Variants in TTN observed in about 807,000 individuals in gnomAD.
TTN encodes titin.
In TTN, 1,525 loss-of-function variants were observed where a neutral mutation model predicts 3,223.0. The observed-to-expected ratio is 0.47, with a 90% CI of 0.45 to 0.49. TTN has a LOEUF of 0.49. Among genes scored for constraint, TTN ranks in the 20% least tolerant of loss-of-function variants. The pLI is 0.00. For missense variants in TTN, 40,786 were observed against 43,424.0 expected (o/e 0.94, Z 5.40); for synonymous variants, 14,094 against 15,161.0 (o/e 0.93, Z 5.17).
Position 178,756,624 on chromosome 2 carries a change from G to A in TTN, c.10852C>T (p.Gln3618Ter), listed in dbSNP as rs779064556. The A allele has an allele frequency of 2.5e-5, 41 of 1,613,586 alleles. No individual in the cohort carries two copies. Among genetic ancestry groups the A allele is most frequent in the Non-Finnish European group, 3.2e-5 (38 of 1,179,760 alleles). ...GATGCAGCTGTGTGGATGGAACTTT[G>A]AGATACACTTTCAAAAACCTGCACT... ...YEVQVFESVS[Q>*]SSIHTAASVQ... The change falls in exon 46 of 363, where the codon CAA becomes TAA. Residue 3618 changes from glutamine (Q) to a stop codon, truncating the protein, a stop_gained. Transcript: ENST00000589042. LOFTEE classifies it high-confidence loss of function.
rs769724156 is a variant in TTN, at chr2:178,790,605, G to T, written c.1800+103C>A. 598 of 1,562,322 alleles carry T rather than the reference G, an allele frequency of 3.8e-4. 2 individuals are homozygous for T. Among genetic ancestry groups the T allele is most frequent in the Admixed American group, 5.0e-4 (30 of 59,874 alleles). On this transcript the variant is annotated intron_variant, in intron 11 of 362. Coordinates refer to ENST00000589042, the MANE Select transcript of TTN (RefSeq NM_001267550.2). ...ATTTTCTATTTGCATTATAAGAAGA[G>T]GTGGAAGTGAAGAAGTGATGATTAA...
intron 42 of TTN, 40 bp downstream of exon 42, chr2:178,764,487 T>C (rs1478819531): frequency 1.2e-6 from 2 of 1,613,494 alleles, no homozygotes; most frequent in Non-Finnish European, 1.7e-6. Flanking sequence ...GCCTGCTTCT[T>C]AGGTTTTATT....
chr2:178,617,968 T>C lies in TTN; in HGVS notation c.47383A>G (p.Ile15795Val), dbSNP rs750870811. The C allele has an allele frequency of 9.3e-6, 15 of 1,612,536 alleles. No individual in the cohort carries two copies. Among genetic ancestry groups the C allele is most frequent in the Non-Finnish European group, 1.3e-5 (15 of 1,179,116 alleles). ...DGGAEITNYV[I>V]ELRDKTSIRW... ...ATAGAAGTCTTGTCTCTTAATTCAA[T>C]GACGTAGTTTGTGATCTCAGCACCT... Residue 15795 changes from isoleucine to valine, a missense_variant, in exon 253 of 363, where the codon ATT (isoleucine) becomes GTT (valine). Transcript: ENST00000589042.
chr2:178,727,782 C>T lies in TTN; in HGVS notation c.19796G>A (p.Gly6599Glu). The change falls in exon 68 of 363, where the codon GGA (glycine) becomes GAA (glutamate). Residue 6599 changes from glycine (G) to glutamate (E), a missense_variant. Coordinates refer to ENST00000589042, the MANE Select transcript of TTN (RefSeq NM_001267550.2). ...STVEFKAILK[G>E]TPPFKIKWFK... ...CCATTTTATTTTAAATGGTGGTGTT[C>T]CTTTTAGTATTGCCTTAAATTCCAC... 1.2e-6 allele frequency: 2 copies of T among 1,613,136 alleles called. No individual in the cohort carries two copies. The highest frequency in any genetic ancestry group is 1.7e-6 in the Non-Finnish European group (2 of 1,179,372).
rs1704286522 is a variant in TTN, at chr2:178,563,097, C to T, written c.83035G>A (p.Ala27679Thr). The T allele has an allele frequency of 6.2e-7, 1 of 1,613,758 alleles. No homozygotes were observed. Among genetic ancestry groups the T allele is most frequent in the Non-Finnish European group, 8.5e-7 (1 of 1,179,730 alleles). Residue 27679 changes from alanine to threonine, a missense_variant, in exon 326 of 363, where the codon GCT becomes ACT. Transcript: ENST00000589042. This position sits in a 1 kb window ranked among gnomAD's most constrained non-coding sequence, Gnocchi z 4.5. ...RIEPPEIELDADLRKVVVLRA... is the reference protein window; with the variant it reads ...RIEPPEIELDTDLRKVVVLRA... ...AGAACGACCACCTTTCTGAGATCAGCATCGAGTTCTATTTCTGGTGGCTCT... is the reference window on the plus strand; with the variant it reads ...AGAACGACCACCTTTCTGAGATCAGTATCGAGTTCTATTTCTGGTGGCTCT...
At position 178,553,137 on chromosome 2, in the gene TTN, A is replaced by G. The variant is rs1304018223; in HGVS notation, c.89763T>C (p.Pro29921=). The change falls in exon 335 of 363, where the codon CCT becomes CCC. Residue 29921 remains proline, a synonymous_variant. Coordinates refer to ENST00000589042, the MANE Select transcript of TTN (RefSeq NM_001267550.2). ...CTTTAACACTCACAGTTGAAGACTT[A>G]GGTTCACCAACTCCATTTTCTATTG... is the stretch of plus-strand genomic sequence containing the variant. ...ILTIENGVGE[P]KSSTVSVKVL... 2 of 1,612,612 alleles carry G rather than the reference A, an allele frequency of 1.2e-6. No individual in the cohort carries two copies. Among genetic ancestry groups the G allele is most frequent in the Non-Finnish European group, 1.7e-6 (2 of 1,178,800 alleles).
chr2:178,593,298 G>C lies in TTN; in HGVS notation c.58910C>G (p.Thr19637Ser). 1 of 1,613,354 alleles carries C rather than the reference G, an allele frequency of 6.2e-7. No homozygotes were observed. The highest frequency in any genetic ancestry group is 8.5e-7 in the Non-Finnish European group (1 of 1,179,546). ...TAGAAGATCAGGAACCCTAAATTTA[G>C]TGTATGGATGAATAGGATCTTTGGT... ...RVTKDPIHPY[T>S]KFRVPDLLEG... The change falls in exon 299 of 363, where the codon ACT becomes AGT. Residue 19637 changes from threonine to serine, a missense_variant. By Grantham distance (58) the Thr-to-Ser change is moderately conservative. Coordinates refer to ENST00000589042, the MANE Select transcript of TTN (RefSeq NM_001267550.2).
Position 178,674,307 on chromosome 2 carries a change from G to GT in TTN, c.34708+6dup, listed in dbSNP as rs1326424623. 4 of 1,544,640 alleles carry GT rather than the reference G, an allele frequency of 2.6e-6. No homozygotes were observed. The highest frequency in any genetic ancestry group is 3.5e-6 in the Non-Finnish European group (4 of 1,128,266). On this transcript the variant is annotated splice_region_variant and intron_variant, in intron 151 of 362. Transcript: ENST00000589042. ...TTTAAATGTTCAATCCTTAAAAGCG[G>GT]TTATACCTCTAGGTGGTGCCACCTC...
At chr2:178,795,850 A>G (rs944241065) in intron 6 of TTN, among the ~76,000 whole-genome samples, 1 of 152,180 alleles carries the variant, frequency 6.6e-6, no homozygotes, top group Admixed American at 6.5e-5. Context: ...CAGGTTGTGC[A>G]GTGCACTTTG....
At position 178,664,901 on chromosome 2, in the gene TTN, A is replaced by G. The variant is rs766345490; in HGVS notation, c.36069T>C (p.Ile12023=). ...TTTTGGAAGGAACTGTCTTGGCAGG[A>G]ATAATTTCTTGAGGAGCTTCGGGCG... ...MKTPEAPQEI[I]PAKTVPSKKR... Residue 12023 remains isoleucine, a synonymous_variant, in exon 166 of 363, where the codon ATT becomes ATC. Coordinates refer to ENST00000589042, the MANE Select transcript of TTN (RefSeq NM_001267550.2). The G allele has an allele frequency of 1.2e-6, 2 of 1,610,136 alleles. No homozygotes were observed. The highest frequency in any genetic ancestry group is 1.3e-5 in the African/African-American group (1 of 74,908).
chr2:178,592,511 TTGC>T lies in TTN; in HGVS notation c.59491_59493del (p.Ala19831del). ...CTACCAACTGGAGTCACATCAATTC[TTGC>T]TTTAGTTGGAGCATCTCTGTCTTCT... On this transcript the variant is annotated inframe_deletion, in exon 301 of 363. Coordinates refer to ENST00000589042, the MANE Select transcript of TTN (RefSeq NM_001267550.2). The T allele has an allele frequency of 6.2e-7, 1 of 1,613,536 alleles. No homozygotes were observed. Among genetic ancestry groups the T allele is most frequent in the Non-Finnish European group, 8.5e-7 (1 of 1,179,592 alleles).
intron 217 of TTN, 26 bp downstream of exon 217, chr2:178,645,894 A>G: frequency 1.4e-6 from 2 of 1,443,374 alleles, no homozygotes; most frequent in Non-Finnish European, 1.9e-6. Flanking sequence ...GCAGGCTAAT[A>G]AAACTTTGGA....
rs78637447 is a variant in TTN at position 178,709,976 on chromosome 2, C to T, written c.28463-120G>A. The T allele has an allele frequency of 1.3e-3, 1,207 of 950,706 alleles. 14 individuals are homozygous for T. The African/African-American group carries it at 0.018, about 14-fold the overall frequency. The allele number at this position is 950,706 out of a possible 1,614,324, so 58.9% of individuals were successfully genotyped here. Reference sequence around the variant, plus strand: ...AAAATCAAGGCTAACCAACTAAATACACTATATCAGAATATGTTCCTAAAC... The same window carrying T: ...AAAATCAAGGCTAACCAACTAAATATACTATATCAGAATATGTTCCTAAAC... On this transcript the variant is annotated intron_variant, in intron 98 of 362. Transcript: ENST00000589042.
Position 178,576,474 on chromosome 2 carries a change from T to C in TTN, c.69715+55A>G. 4.4e-6 allele frequency: 7 copies of C among 1,591,886 alleles called. No individual in the cohort carries two copies. The highest frequency in any genetic ancestry group is 6.0e-6 in the Non-Finnish European group (7 of 1,174,508). On this transcript the variant is annotated intron_variant, in intron 325 of 362. Transcript: ENST00000589042. The surrounding 1 kb of genome is among the most constrained non-coding windows in gnomAD (Gnocchi z 4.3). Reference sequence around the variant, plus strand: ...TTCAGAGTTTGGCTTTTGGGTAATTTAGATAAAATATTGGCACTCTGGAAT... The same window carrying C: ...TTCAGAGTTTGGCTTTTGGGTAATTCAGATAAAATATTGGCACTCTGGAAT...
chr2:178,664,432 C>T (rs1307924854), intron 168 of TTN, 28 bp downstream of exon 168: 18 of 1,557,580 alleles, frequency 1.2e-5, no homozygotes, highest in Admixed American at 1.8e-5. Flanking sequence ...CCCACTATCC[C>T]ACCATAAAAA....
chr2:178,742,453 G>T (rs975006331), intron 47 of TTN, among the ~76,000 whole-genome samples: 2 of 152,078 alleles, frequency 1.3e-5, no homozygotes, highest in African/African-American at 4.8e-5. Context: ...ATTTGTAAGA[G>T]AACCACTGTT....
intron 11 of TTN, 82 bp from the exon 12 acceptor site, chr2:178,790,197 G>A: frequency 6.8e-7 from 1 of 1,476,742 alleles, no homozygotes; most frequent in African/African-American, 1.4e-5. Flanking sequence ...AAAAAGAAAG[G>A]AGGCAAAATT....
intron 46 of TTN, 85 bp downstream of exon 46, chr2:178,756,137 T>G (rs1179809838): frequency 1.0e-6 from 1 of 1,001,044 alleles, no homozygotes; most frequent in Non-Finnish European, 1.5e-6. Flanking sequence ...AATTAATATA[T>G]TCGTCGATTG....
Position 178,595,690 on chromosome 2 carries a change from C to T in TTN, c.57664G>A (p.Glu19222Lys), listed in dbSNP as rs2051376296. 1 of 1,608,632 alleles carries T rather than the reference C, an allele frequency of 6.2e-7. No homozygotes were observed. Among genetic ancestry groups the T allele is most frequent in the Non-Finnish European group, 8.5e-7 (1 of 1,177,554 alleles). The change falls in exon 295 of 363, where the codon GAA becomes AAA. Residue 19222 changes from glutamate to lysine, a missense_variant. Transcript: ENST00000589042. The part of the protein sequence containing the change: ...GGSPITNYVI[E>K]KRESDRRAWT... The stretch of plus-strand genomic sequence containing the variant: ...GCTCTGCGGTCAGATTCACGCTTTT[C>T]AATGACATAATTGGTGATTGGAGAG...
Sources: allele counts gnomAD v4.1 joint callset (sites outside exome capture counted in the v4.1 genomes callset), GRCh38; gene constraint gnomAD v4.1.1; non-coding constraint Gnocchi (gnomAD v3.1); transcripts MANE v1.5; gene names NCBI Gene and HGNC (gene_info 2026-07-23, HGNC 2026-07-21).